Variants in CFAP299 observed in about 807,000 individuals in gnomAD.
The protein encoded by CFAP299 is cilia and flagella associated protein 299, also known as cilia- and flagella-associated protein 299.
In CFAP299, 21 loss-of-function variants were observed where a neutral mutation model predicts 27.0. The observed-to-expected ratio is 0.78, with a 90% confidence interval of 0.55 to 1.12. The LOEUF (loss-of-function observed/expected upper bound fraction) is 1.12. Ranked by LOEUF, CFAP299 falls within the 50% of genes most tolerant of loss-of-function variation. CFAP299 has a pLI of 0.00. For missense variants in CFAP299, 310 were observed against 276.6 expected (o/e 1.12, Z -0.86); for synonymous variants, 104 against 98.1 (o/e 1.06, Z -0.36).
chr4:80,908,828 T>C (rs1290165428), intron 4 of CFAP299, among the ~76,000 whole-genome samples: 1 of 152,132 alleles, frequency 6.6e-6, no homozygotes, highest in Non-Finnish European at 1.5e-5. Flanking sequence ...TTGTGCTTGA[T>C]GTATACCTAA....
At chr4:80,549,921 A>C (rs1734417672) in intron 2 of CFAP299, among the ~76,000 whole-genome samples, 1 of 151,960 alleles carries the variant, frequency 6.6e-6, no homozygotes, top group Non-Finnish European at 1.5e-5. Flanking sequence ...GAAAATATGA[A>C]AATTTTTCTA....
chr4:80,860,429 A>G (rs1172176757), intron 3 of CFAP299, among the ~76,000 whole-genome samples: 2 of 152,184 alleles, frequency 1.3e-5, no homozygotes, highest in East Asian at 3.8e-4. Flanking sequence ...TTCTCTGTCC[A>G]GCTTTGTTCC....
intron 4 of CFAP299, among the ~76,000 whole-genome samples, chr4:80,902,580 A>T (rs1374019598): frequency 2.4e-5 from 2 of 82,474 alleles, no homozygotes; most frequent in African/African-American, 6.4e-5. Flanking sequence ...ATATATATGT[A>T]ATATATACAC....
At chr4:80,668,216 C>T (rs2109989360) in intron 3 of CFAP299, among the ~76,000 whole-genome samples, 1 of 151,184 alleles carries the variant, frequency 6.6e-6, no homozygotes, top group East Asian at 1.9e-4. Context: ...AATTTCTTGT[C>T]AGATGGATAG....
At chr4:80,326,087 A>G in the CFAP299 span, among the ~76,000 whole-genome samples, 3 of 152,350 alleles carry the variant, frequency 2.0e-5, no homozygotes, top group Admixed American at 6.5e-5. Flanking sequence ...TCTTTCTGCA[A>G]CTGTCGATAT....
chr4:80,883,781 C>G (rs182365951), intron 4 of CFAP299, among the ~76,000 whole-genome samples: 100 of 152,144 alleles, frequency 6.6e-4, no homozygotes, highest in Admixed American at 1.7e-3. Flanking sequence ...AACCAAATAT[C>G]AACAGATTTG....
At chr4:80,564,717 G>A (rs1195059030) in intron 2 of CFAP299, among the ~76,000 whole-genome samples, 1 of 151,804 alleles carries the variant, frequency 6.6e-6, no homozygotes, top group Non-Finnish European at 1.5e-5. Flanking sequence ...CAATTGTAAA[G>A]GAAGTCAAAT....
intron 3 of CFAP299, among the ~76,000 whole-genome samples, chr4:80,613,188 A>G (rs1331777238): frequency 6.6e-6 from 1 of 152,158 alleles, no homozygotes; most frequent in Non-Finnish European, 1.5e-5. Flanking sequence ...GGTAAATGTC[A>G]TAAGTCACCT....
intron 3 of CFAP299, among the ~76,000 whole-genome samples, chr4:80,766,632 C>T (rs559154747): frequency 1.4e-4 from 22 of 152,204 alleles, no homozygotes; most frequent in Non-Finnish European, 2.4e-4. Context: ...CTTCTTCAGG[C>T]CTTTTGACTC....
intron 3 of CFAP299, among the ~76,000 whole-genome samples, chr4:80,776,147 G>A (rs974868759): frequency 6.6e-6 from 1 of 152,046 alleles, no homozygotes; most frequent in African/African-American, 2.4e-5. Flanking sequence ...AAACTGTTTA[G>A]GACACAAGGA....
chr4:80,361,512 A>C (rs1723547795), intron 1 of CFAP299, among the ~76,000 whole-genome samples: 1 of 152,166 alleles, frequency 6.6e-6, no homozygotes, highest in Non-Finnish European at 1.5e-5. Context: ...CACTAGGTGG[A>C]GATATTTGCT....
intron 2 of CFAP299, among the ~76,000 whole-genome samples, chr4:80,455,029 A>T (rs1310598494): frequency 2.0e-5 from 3 of 152,098 alleles, no homozygotes; most frequent in African/African-American, 7.2e-5. Flanking sequence ...GGGTCTGAAA[A>T]ATATCGTAAG....
At chr4:80,696,675 G>C (rs1008589323) in intron 3 of CFAP299, among the ~76,000 whole-genome samples, 4 of 152,132 alleles carry the variant, frequency 2.6e-5, no homozygotes, top group Non-Finnish European at 4.4e-5. Flanking sequence ...GTTTAATAAA[G>C]AGTGAGGGGC....
At chr4:80,722,233 C>A (rs1209003768) in intron 3 of CFAP299, among the ~76,000 whole-genome samples, 3 of 151,876 alleles carry the variant, frequency 2.0e-5, no homozygotes, top group African/African-American at 7.3e-5. Flanking sequence ...GCCTGACCAA[C>A]ATGGTGAAAC....
intron 3 of CFAP299, among the ~76,000 whole-genome samples, chr4:80,746,825 T>A (rs1724635837): frequency 6.6e-6 from 1 of 152,060 alleles, no homozygotes; most frequent in Non-Finnish European, 1.5e-5. Context: ...TTTCAGTTAA[T>A]TTATGAAGAG....
At chr4:80,432,403 G>A (rs1727862435) in intron 2 of CFAP299, among the ~76,000 whole-genome samples, 1 of 152,002 alleles carries the variant, frequency 6.6e-6, no homozygotes, top group Non-Finnish European at 1.5e-5. Context: ...CACCTGTCTT[G>A]GCCTCCCAAA....
chr4:80,955,041 C>T (rs1298303053), intron 5 of CFAP299, among the ~76,000 whole-genome samples: 1 of 127,300 alleles, frequency 7.9e-6, no homozygotes, highest in Non-Finnish European at 1.6e-5. Flanking sequence ...AAAACGCACA[C>T]ATGGCCATAT....
chr4:80,661,427 A>G (rs1324152483), intron 3 of CFAP299, among the ~76,000 whole-genome samples: 1 of 152,128 alleles, frequency 6.6e-6, no homozygotes, highest in Non-Finnish European at 1.5e-5. Flanking sequence ...GATTTCATAG[A>G]CATTTATTAG....
intron 3 of CFAP299, among the ~76,000 whole-genome samples, chr4:80,845,685 C>T (rs771435511): frequency 2.2e-4 from 34 of 152,242 alleles, no homozygotes; most frequent in Admixed American, 5.9e-4. Context: ...ATTCAACTAC[C>T]GTATCTGCTA....
Sources: allele counts gnomAD v4.1 joint callset (sites outside exome capture counted in the v4.1 genomes callset), GRCh38; gene constraint gnomAD v4.1.1; transcripts MANE v1.5; gene names NCBI Gene and HGNC (gene_info 2026-07-23, HGNC 2026-07-21).